Variants in ABCC10 observed in about 807,000 individuals in gnomAD.
The protein encoded by ABCC10 is ATP binding cassette subfamily C member 10, also known as ATP-binding cassette sub-family C member 10.
A neutral mutation model predicts 143.2 loss-of-function variants in ABCC10; 110 were observed. The ratio of observed to expected loss-of-function variants is 0.77; its 90% confidence interval spans 0.66 to 0.90. The LOEUF (loss-of-function observed/expected upper bound fraction) is 0.90. ABCC10 is among the 40% of genes least tolerant of loss of function. The pLI, the probability that ABCC10 is intolerant of heterozygous loss-of-function variation, is 0.00. For missense variants in ABCC10, 1,700 were observed against 1,900.5 expected (o/e 0.89, Z 1.96); for synonymous variants, 805 against 846.7 (o/e 0.95, Z 0.85).
rs368790795 is a variant in ABCC10 at position 43,436,189 on chromosome 6, C to T, written c.1817C>T (p.Ser606Phe). The change falls in exon 6 of 22, where the codon TCC (serine) becomes TTC (phenylalanine). Residue 606 changes from serine (S) to phenylalanine (F), a missense_variant. Coordinates refer to ENST00000372530, the MANE Select transcript of ABCC10 (RefSeq NM_001198934.2). ...TVLELHGALF[S>F]WDPVGTSLET... Reference sequence around the variant, plus strand: ...TTGGAGCTGCATGGAGCCTTGTTCTCCTGGGACCCAGTTGGAACCAGCCTG... The same window carrying T: ...TTGGAGCTGCATGGAGCCTTGTTCTTCTGGGACCCAGTTGGAACCAGCCTG... The T allele has an allele frequency of 3.1e-6, 5 of 1,614,032 alleles. No individual in the cohort carries two copies. The African/African-American group carries it at 4.0e-5, about 13-fold the overall frequency.
intron 8 of ABCC10, among the ~76,000 whole-genome samples, chr6:43,439,931 T>C (rs1438048643): frequency 6.6e-6 from 1 of 151,364 alleles, no homozygotes; most frequent in African/African-American, 2.4e-5. Flanking sequence ...CTTGGGCAGA[T>C]TTTATGTAAA....
chr6:43,437,224 A>G (rs1047421124), intron 6 of ABCC10, among the ~76,000 whole-genome samples: 1 of 152,072 alleles, frequency 6.6e-6, no homozygotes, highest in Non-Finnish European at 1.5e-5. Context: ...GCCAACAAGG[A>G]GAAGCTGCCT....
chr6:43,427,541 A>C lies in ABCC10; in HGVS notation c.-228A>C, dbSNP rs182453024. ...AGCAGTGCACATGCGTGCAGCTACCAGCATATGGGCGTGGCGAATAGCGCC... is the reference window on the plus strand; with the variant it reads ...AGCAGTGCACATGCGTGCAGCTACCCGCATATGGGCGTGGCGAATAGCGCC... On this transcript the variant is annotated 5_prime_UTR_variant, in exon 1 of 22. Transcript: ENST00000372530. 3.3e-5 allele frequency: 9 copies of C among 270,448 alleles called. No homozygotes were observed. The highest frequency in any genetic ancestry group is 1.8e-4 in the African/African-American group (8 of 43,528). The allele number at this position is 270,448 out of a possible 1,614,324, so 16.8% of individuals were successfully genotyped here. A position where few individuals can be genotyped will look rare whatever the true frequency, so the allele number is the denominator to read the frequency against.
intron 8 of ABCC10, among the ~76,000 whole-genome samples, chr6:43,440,098 A>G (rs536995819): frequency 6.6e-6 from 1 of 152,194 alleles, no homozygotes; most frequent in Admixed American, 6.5e-5. Context: ...CTGGGACTAC[A>G]GGTGTAAGCT....
Position 43,435,741 on chromosome 6 carries a change from C to T in ABCC10, c.1609-10C>T, listed in dbSNP as rs903654826. The stretch of plus-strand genomic sequence containing the variant: ...CTCCTGGGGCTTCACCCTGCACCCA[C>T]CTCACTCAGGTGTTCACGGCCCTGG... On this transcript the variant is annotated splice_polypyrimidine_tract_variant and intron_variant, in intron 4 of 21. Coordinates refer to ENST00000372530, the MANE Select transcript of ABCC10 (RefSeq NM_001198934.2). 1.2e-6 allele frequency: 2 copies of T among 1,613,904 alleles called. No individual in the cohort carries two copies. Among genetic ancestry groups the T allele is most frequent in the Admixed American group, 1.7e-5 (1 of 60,020 alleles).
Position 43,427,650 on chromosome 6 carries a change from A to G in ABCC10, c.-119A>G. 8 of 384,336 alleles carry G rather than the reference A, an allele frequency of 2.1e-5. No homozygotes were observed. The highest frequency in any genetic ancestry group is 2.0e-4 in the South Asian group (8 of 39,794). The allele number at this position is 384,336 out of a possible 1,614,324, so 23.8% of individuals were successfully genotyped here. A position where few individuals can be genotyped will look rare whatever the true frequency, so the allele number is the denominator to read the frequency against. ...CGGGCAGTACTTTTTTTTTTTTTGCATACACCAGTTCTCAGGATATCGGAA... is the reference window on the plus strand; with the variant it reads ...CGGGCAGTACTTTTTTTTTTTTTGCGTACACCAGTTCTCAGGATATCGGAA... On this transcript the variant is annotated 5_prime_UTR_variant, in exon 1 of 22. Transcript: ENST00000372530.
chr6:43,451,065 C>T, downstream of ABCC10: 1 of 1,614,242 alleles, frequency 6.2e-7, no homozygotes, highest in Non-Finnish European at 8.5e-7. This position sits in a 1 kb window ranked among gnomAD's most constrained non-coding sequence, Gnocchi z 4.4. Flanking sequence ...GTTGATGGTG[C>T]AGAAGCGTCC....
rs115049461 is a variant in ABCC10 at position 43,438,022 on chromosome 6, C to T, written c.1955+9C>T. On this transcript the variant is annotated intron_variant, in intron 7 of 21. Transcript: ENST00000372530. Reference sequence around the variant, plus strand: ...GCTGGAGAGCTCCACAGGTAACCAACCTCCTATGCACCCCTGTCCTTACTT... The same window carrying T: ...GCTGGAGAGCTCCACAGGTAACCAATCTCCTATGCACCCCTGTCCTTACTT... 18,449 of 1,610,318 alleles carry T rather than the reference C, an allele frequency of 0.011. 147 individuals carry two copies. The highest frequency in any genetic ancestry group is 0.014 in the Non-Finnish European group (16,884 of 1,178,234).
intron 2 of ABCC10, chr6:43,430,745 CAG>C (rs1216333505): frequency 4.1e-5 from 6 of 146,394 alleles, no homozygotes; most frequent in African/African-American, 1.5e-4. Context: ...TTTTTTTGGA[CAG>C]AGTCTCTCTT....
intron 14 of ABCC10, 40 bp from the exon 15 acceptor site, chr6:43,445,559 G>T (rs1782961059): frequency 6.4e-7 from 1 of 1,553,868 alleles, no homozygotes; most frequent in Non-Finnish European, 8.8e-7. Context: ...CCCCTCTTCT[G>T]CCAGACTCTG....
intron 13 of ABCC10, 53 bp from the exon 14 acceptor site, chr6:43,445,072 A>C: frequency 2.5e-6 from 4 of 1,595,538 alleles, no homozygotes; most frequent in Non-Finnish European, 3.4e-6. Flanking sequence ...AGGAGAAAGG[A>C]CCCCCGAGTG....
In ABCC10 at chr6:43,433,177, T is replaced by G. The variant is rs1488835995; in HGVS notation, c.1197T>G (p.His399Gln). 1 of 1,614,070 alleles carries G rather than the reference T, an allele frequency of 6.2e-7. No homozygotes were observed. Among genetic ancestry groups the G allele is most frequent in the Non-Finnish European group, 8.5e-7 (1 of 1,179,940 alleles). The change falls in exon 3 of 22, where the codon CAT (histidine) becomes CAG (glutamine). Residue 399 changes from histidine (H) to glutamine (Q), a missense_variant. Transcript: ENST00000372530. Reference protein sequence around the residue: ...ERLLNFAGSFHEAWGLPLQLA... With the variant: ...ERLLNFAGSFQEAWGLPLQLA... Reference sequence around the variant, plus strand: ...TGCTTAACTTTGCTGGGAGCTTCCATGAAGCCTGGGGCCTGCCCCTGCAAC... The same window carrying G: ...TGCTTAACTTTGCTGGGAGCTTCCAGGAAGCCTGGGGCCTGCCCCTGCAAC...
At chr6:43,431,864 A>C (rs899919218) in intron 2 of ABCC10, 1 of 1,253,848 alleles carries the variant, frequency 8.0e-7, no homozygotes. Context: ...TCTGTGGTTT[A>C]AAAAAAAACA....
rs375068623 is a variant in ABCC10, at chr6:43,443,917, C to G, written c.2417-16C>G. On this transcript the variant is annotated splice_polypyrimidine_tract_variant and intron_variant, in intron 10 of 21. Transcript: ENST00000372530. The surrounding 1 kb of genome is among the most constrained non-coding windows in gnomAD (Gnocchi z 4.2). Reference sequence around the variant, plus strand: ...CTCAGAACAGTCCTCTCCCAATCTCCCCTTCTACCCTCCAGGACCTCCCTC... The same window carrying G: ...CTCAGAACAGTCCTCTCCCAATCTCGCCTTCTACCCTCCAGGACCTCCCTC... The G allele has an allele frequency of 5.1e-5, 82 of 1,606,092 alleles. No homozygotes were observed. The highest frequency in any genetic ancestry group is 6.7e-5 in the Non-Finnish European group (79 of 1,172,728).
Position 43,447,910 on chromosome 6 carries a change from C to A in ABCC10, c.3932C>A (p.Thr1311Asn), listed in dbSNP as rs1783292609. 6.2e-7 allele frequency: 1 copy of A among 1,613,612 alleles called. No homozygotes were observed. Among genetic ancestry groups the A allele is most frequent in the Non-Finnish European group, 8.5e-7 (1 of 1,180,014 alleles). Reference protein sequence around the residue: ...SGRVLLDGVDTSQLELAQLRS... With the variant: ...SGRVLLDGVDNSQLELAQLRS... ...CGAGTGCTGCTGGACGGCGTGGACA[C>A]CAGCCAGCTGGAGCTGGCCCAGCTC... is the stretch of plus-strand genomic sequence containing the variant. The change falls in exon 18 of 22, where the codon ACC (threonine) becomes AAC (asparagine). Residue 1311 changes from threonine to asparagine, a missense_variant. Coordinates refer to ENST00000372530, the MANE Select transcript of ABCC10 (RefSeq NM_001198934.2).
At chr6:43,438,311 G>C in intron 7 of ABCC10, 1 of 1,383,818 alleles carries the variant, frequency 7.2e-7, no homozygotes, top group Non-Finnish European at 9.4e-7. Context: ...GAGGAGCATA[G>C]GTTTGAGGGA....
At position 43,433,201 on chromosome 6, in the gene ABCC10, A is replaced by G. The variant is rs2127385197; in HGVS notation, c.1221A>G (p.Gln407=). 1 of 1,614,090 alleles carries G rather than the reference A, an allele frequency of 6.2e-7. No individual in the cohort carries two copies. Among genetic ancestry groups the G allele is most frequent in the South Asian group, 1.1e-5 (1 of 91,076 alleles). The part of the protein sequence containing the change: ...SFHEAWGLPL[Q]LAITLYLLYQ... The stretch of plus-strand genomic sequence containing the variant: ...ATGAAGCCTGGGGCCTGCCCCTGCA[A>G]CTGGCCATCACCCTCTACCTGCTGT... The change falls in exon 3 of 22, where the codon CAA becomes CAG. Residue 407 remains glutamine (Q), a synonymous_variant. Transcript: ENST00000372530.
chr6:43,429,633 A>G (rs1780918944), intron 2 of ABCC10, among the ~76,000 whole-genome samples: 1 of 152,106 alleles, frequency 6.6e-6, no homozygotes, highest in Admixed American at 6.6e-5. Context: ...GGCCGGGTGC[A>G]GTGGCTCAAG....
chr6:43,432,604 T>G lies in ABCC10; in HGVS notation c.624T>G (p.Asp208Glu), dbSNP rs45535935. The G allele has an allele frequency of 0.025, 40,083 of 1,613,778 alleles. 567 individuals carry two copies. Among genetic ancestry groups the G allele is most frequent in the Middle Eastern group, 0.039 (239 of 6,062 alleles). The change falls in exon 3 of 22, where the codon GAT (aspartate) becomes GAG (glutamate). Residue 208 changes from aspartate (D) to glutamate (E), a missense_variant. Coordinates refer to ENST00000372530, the MANE Select transcript of ABCC10 (RefSeq NM_001198934.2). ...PWAQEPLLPEDQEPEVAEDGE... is the reference protein window; with the variant it reads ...PWAQEPLLPEEQEPEVAEDGE... Reference sequence around the variant, plus strand: ...CTCAGGAGCCCCTCCTGCCCGAGGATCAAGAACCTGAGGTGGCTGAAGATG... The same window carrying G: ...CTCAGGAGCCCCTCCTGCCCGAGGAGCAAGAACCTGAGGTGGCTGAAGATG...
Sources: allele counts gnomAD v4.1 joint callset (sites outside exome capture counted in the v4.1 genomes callset), GRCh38; gene constraint gnomAD v4.1.1; non-coding constraint Gnocchi (gnomAD v3.1); transcripts MANE v1.5; gene names NCBI Gene and HGNC (gene_info 2026-07-23, HGNC 2026-07-21).